PACRG: variants seen among roughly 807,000 people sequenced by gnomAD.
The protein encoded by PACRG is parkin coregulated, also known as parkin coregulated gene protein.
Under a neutral mutation model 29.7 loss-of-function variants are expected in PACRG, and 29 were observed. The ratio of observed to expected loss-of-function variants is 0.98; its 90% CI spans 0.73 to 1.33. The LOEUF (loss-of-function observed/expected upper bound fraction) is 1.33. Among genes scored for constraint, PACRG ranks in the 40% most tolerant of loss-of-function variants. The probability of loss-of-function intolerance (pLI) is 0.00; values close to 1 mark genes in which losing one functional copy is unlikely to be tolerated. For missense variants in PACRG, 279 were observed against 316.2 expected, an observed-to-expected ratio of 0.88 and a Z score of 0.89; for synonymous variants, 116 against 118.7, an observed-to-expected ratio of 0.98 and a Z score of 0.15.
rs192824251 is a variant in PACRG at position 163,154,847 on chromosome 6, C to T, written c.613+65439C>T. Among the ~76,000 whole-genome samples, 92 of 152,218 alleles carry T rather than the reference C, an allele frequency of 6.0e-4. 1 individual carries two copies. In the East Asian group the frequency reaches 0.017, roughly 28 times the overall value. On this transcript the variant is annotated intron_variant, in intron 4 of 4. Coordinates refer to ENST00000366888, the MANE Select transcript of PACRG (RefSeq NM_001080379.2). The stretch of plus-strand genomic sequence containing the variant: ...ACATACATGGTCTATGTCCTCTGGC[C>T]ACCTGCATGTGACATGCTGAAACTA...
intron 2 of PACRG, among the ~76,000 whole-genome samples, chr6:162,905,212 A>C (rs1271008015): frequency 2.0e-5 from 3 of 152,192 alleles, no homozygotes; most frequent in Admixed American, 6.5e-5. Context: ...TTGAGGATGC[A>C]TTAGGCTTGG....
At chr6:163,058,601 A>G (rs1177127486) in intron 2 of PACRG, among the ~76,000 whole-genome samples, 1 of 152,146 alleles carries the variant, frequency 6.6e-6, no homozygotes, top group African/African-American at 2.4e-5. Context: ...CTACTTAAAA[A>G]AATACGAAAT....
At chr6:162,828,285 A>G (rs978820167) in intron 2 of PACRG, among the ~76,000 whole-genome samples, 3 of 152,190 alleles carry the variant, frequency 2.0e-5, no homozygotes, top group Admixed American at 6.5e-5. Context: ...CCTGTATAGT[A>G]TCAGCTCACT....
intron 3 of PACRG, among the ~76,000 whole-genome samples, chr6:163,088,700 T>A (rs1813818635): frequency 6.6e-6 from 1 of 151,750 alleles, no homozygotes; most frequent in Admixed American, 6.6e-5. Flanking sequence ...CTTTAAAAAA[T>A]TTTGCTTTTC....
At chr6:163,135,942 C>G (rs756576562) in intron 4 of PACRG, among the ~76,000 whole-genome samples, 2 of 152,126 alleles carry the variant, frequency 1.3e-5, no homozygotes, top group African/African-American at 4.8e-5. Context: ...TTGCCTATTT[C>G]AATGCTTTGT....
intron 4 of PACRG, among the ~76,000 whole-genome samples, chr6:163,118,523 T>C (rs1816122016): frequency 6.6e-6 from 1 of 152,236 alleles, no homozygotes; most frequent in Non-Finnish European, 1.5e-5. Context: ...TCCCCGTTTC[T>C]GGGTCCTTTA....
intron 1 of PACRG, among the ~76,000 whole-genome samples, chr6:162,787,582 GTATATATATATATATATATA>G (rs869254835): frequency 3.2e-5 from 2 of 62,418 alleles, no homozygotes; most frequent in East Asian, 1.1e-3. Flanking sequence ...GTGTGTGTGT[GTATATATATATATATATATA>G]TATATATATA....
At chr6:163,037,740 T>C (rs1808339254) in intron 2 of PACRG, among the ~76,000 whole-genome samples, 2 of 152,160 alleles carry the variant, frequency 1.3e-5, no homozygotes, top group African/African-American at 2.4e-5. Flanking sequence ...TGCACATGCA[T>C]GCACACACAC....
At chr6:162,769,940 T>G (rs1440931372) in intron 1 of PACRG, among the ~76,000 whole-genome samples, 1 of 152,114 alleles carries the variant, frequency 6.6e-6, no homozygotes, top group Non-Finnish European at 1.5e-5. Context: ...TCAGATGTTT[T>G]TCTTGAGGCC....
At chr6:163,116,742 T>G (rs1432524321) in intron 4 of PACRG, among the ~76,000 whole-genome samples, 1 of 152,176 alleles carries the variant, frequency 6.6e-6, no homozygotes, top group African/African-American at 2.4e-5. Flanking sequence ...GCCTGAGAAG[T>G]TGGCACCTTA....
intron 4 of PACRG, among the ~76,000 whole-genome samples, chr6:163,300,092 G>A (rs1258767063): frequency 6.6e-6 from 1 of 152,190 alleles, no homozygotes; most frequent in African/African-American, 2.4e-5. Context: ...GTAACACTGG[G>A]GTGAAGCCAG....
intron 4 of PACRG, among the ~76,000 whole-genome samples, chr6:163,098,621 G>A (rs1183412710): frequency 6.6e-6 from 1 of 152,150 alleles, no homozygotes; most frequent in Non-Finnish European, 1.5e-5. Context: ...AAGGGGTCCT[G>A]ATCCAGATCC....
chr6:163,253,084 G>T (rs1312208995), intron 4 of PACRG, among the ~76,000 whole-genome samples: 1 of 151,540 alleles, frequency 6.6e-6, no homozygotes, highest in Non-Finnish European at 1.5e-5. Flanking sequence ...ATCACTTGAG[G>T]CCAGGAGGTC....
chr6:162,846,339 C>T (rs1034320899), intron 2 of PACRG, among the ~76,000 whole-genome samples: 32 of 152,306 alleles, frequency 2.1e-4, no homozygotes, highest in East Asian at 9.7e-4. Flanking sequence ...GTCAGAGATA[C>T]GGGAAGTGCA....
chr6:163,105,630 G>GA (rs1203410790), intron 4 of PACRG, among the ~76,000 whole-genome samples: 3 of 152,122 alleles, frequency 2.0e-5, no homozygotes, highest in East Asian at 1.9e-4. Flanking sequence ...TTGGGTCATT[G>GA]AAAAAAATGG....
chr6:163,235,947 G>A (rs13193398), intron 4 of PACRG, among the ~76,000 whole-genome samples: 62,937 of 151,740 alleles, frequency 0.41, 14,037 homozygotes, highest in African/African-American at 0.58. Context: ...TTTTTTGTTT[G>A]TTTTTGTTTT....
At chr6:162,802,184 G>A (rs779962296) in intron 1 of PACRG, among the ~76,000 whole-genome samples, 8 of 152,098 alleles carry the variant, frequency 5.3e-5, no homozygotes, top group Non-Finnish European at 8.8e-5. Flanking sequence ...ATATCTTGGA[G>A]CTAATGTATT....
At chr6:163,303,724 T>C (rs1294426114) in intron 4 of PACRG, among the ~76,000 whole-genome samples, 1 of 151,808 alleles carries the variant, frequency 6.6e-6, no homozygotes, top group Non-Finnish European at 1.5e-5. Context: ...AAAAAGTAAA[T>C]GGGACCAGGT....
intron 2 of PACRG, among the ~76,000 whole-genome samples, chr6:162,850,062 T>A (rs940497209): frequency 6.6e-5 from 10 of 152,196 alleles, no homozygotes; most frequent in Non-Finnish European, 1.3e-4. Flanking sequence ...AAAACTTATA[T>A]TTAGGGGAAA....
Sources: gnomAD v4.1 joint callset for allele counts (sites outside exome capture counted in the v4.1 genomes callset) on GRCh38, gnomAD v4.1.1 for gene constraint, MANE v1.5 for transcripts, NCBI Gene and HGNC (gene_info 2026-07-23, HGNC 2026-07-21) for gene names.